The following FBXL7 variants were observed in gnomAD, a reference collection of about 807,000 sequenced individuals.
FBXL7 encodes F-box and leucine rich repeat protein 7, also known as F-box/LRR-repeat protein 7.
FBXL7 carries 12 observed loss-of-function variants against 38.3 expected under a neutral mutation model. That is an observed-to-expected ratio of 0.31 (90% CI 0.20 to 0.51). The LOEUF is 0.51. Among genes scored for constraint, FBXL7 ranks in the 20% least tolerant of loss-of-function variants. The probability of loss-of-function intolerance (pLI) is 0.98; values close to 1 mark genes in which losing one functional copy is unlikely to be tolerated. For synonymous variants in FBXL7, 297 were observed against 300.9 expected (o/e 0.99, Z 0.13); for missense variants, 567 against 676.4 (o/e 0.84, Z 1.79).
chr5:15,630,075 C>G (rs1279532276), intron 2 of FBXL7, among the ~76,000 whole-genome samples: 2 of 152,074 alleles, frequency 1.3e-5, no homozygotes, highest in Non-Finnish European at 2.9e-5. Flanking sequence ...GATACCATTT[C>G]TATTTTACAT....
At chr5:15,505,271 T>G (rs58605595) in intron 1 of FBXL7, among the ~76,000 whole-genome samples, 3,779 of 152,258 alleles carry the variant, frequency 0.025, 146 homozygotes, top group African/African-American at 0.086. Context: ...TAGTTACTTG[T>G]AGATTCCACA....
intron 2 of FBXL7, among the ~76,000 whole-genome samples, chr5:15,643,786 C>T (rs376715011): frequency 2.0e-5 from 3 of 152,266 alleles, no homozygotes; most frequent in East Asian, 3.9e-4. Flanking sequence ...TGGAAAAAAG[C>T]ATCTCTTGCT....
intron 2 of FBXL7, among the ~76,000 whole-genome samples, chr5:15,840,845 CAAAAAAAAAAA>C (rs34448584): frequency 4.8e-5 from 4 of 83,338 alleles, no homozygotes; most frequent in Non-Finnish European, 9.7e-5. Flanking sequence ...GACTCTGTCT[CAAAAAAAAAAA>C]AAAAAAAAAA....
chr5:15,670,610 G>A (rs1742434393), intron 2 of FBXL7, among the ~76,000 whole-genome samples: 2 of 152,112 alleles, frequency 1.3e-5, no homozygotes, highest in South Asian at 4.1e-4. Context: ...AGACCAGCCT[G>A]GCCAACATGG....
chr5:15,554,257 C>T (rs1463868468), intron 1 of FBXL7, among the ~76,000 whole-genome samples: 1 of 152,084 alleles, frequency 6.6e-6, no homozygotes, highest in Non-Finnish European at 1.5e-5. Flanking sequence ...TCTTAGGTGG[C>T]AGAGCTGGAA....
intron 2 of FBXL7, among the ~76,000 whole-genome samples, chr5:15,660,273 T>C (rs1426605315): frequency 6.6e-6 from 1 of 152,256 alleles, no homozygotes; most frequent in Non-Finnish European, 1.5e-5. Context: ...TGGATACTTA[T>C]CATTAACAAT....
At chr5:15,801,254 A>G (rs1737556363) in intron 2 of FBXL7, among the ~76,000 whole-genome samples, 1 of 152,226 alleles carries the variant, frequency 6.6e-6, no homozygotes, top group Non-Finnish European at 1.5e-5. Context: ...AAGCTGACAC[A>G]TAAGACTAAT....
chr5:15,776,288 C>T (rs1736856847), intron 2 of FBXL7, among the ~76,000 whole-genome samples: 1 of 152,016 alleles, frequency 6.6e-6, no homozygotes, highest in Non-Finnish European at 1.5e-5. Flanking sequence ...AACCTATTTG[C>T]TGTTACCCTC....
chr5:15,784,938 A>G (rs573972786), intron 2 of FBXL7, among the ~76,000 whole-genome samples: 3 of 152,190 alleles, frequency 2.0e-5, no homozygotes, highest in Non-Finnish European at 4.4e-5. Context: ...ACGTGTGTGT[A>G]TGTGTTCATA....
At chr5:15,828,007 T>C (rs1385358049) in intron 2 of FBXL7, among the ~76,000 whole-genome samples, 1 of 152,224 alleles carries the variant, frequency 6.6e-6, no homozygotes, top group Non-Finnish European at 1.5e-5. Context: ...GTGGAAAACC[T>C]TGGCCCTGCC....
chr5:15,532,381 G>A (rs1484973416), intron 1 of FBXL7, among the ~76,000 whole-genome samples: 2 of 152,230 alleles, frequency 1.3e-5, no homozygotes, highest in Non-Finnish European at 2.9e-5. Flanking sequence ...AAGAAGCTGT[G>A]ACTGAAAGCT....
intron 1 of FBXL7, among the ~76,000 whole-genome samples, chr5:15,614,678 T>TTAGC (rs1335873519): frequency 1.3e-5 from 2 of 152,220 alleles, no homozygotes; most frequent in African/African-American, 4.8e-5. Flanking sequence ...TGAACATGCA[T>TTAGC]TAGCTGGATC....
chr5:15,745,447 T>C (rs1435154198), intron 2 of FBXL7, among the ~76,000 whole-genome samples: 1 of 152,190 alleles, frequency 6.6e-6, no homozygotes, highest in East Asian at 1.9e-4. Context: ...CTTTATATTT[T>C]AGGGAGAGGA....
chr5:15,699,944 G>A (rs1299279829), intron 2 of FBXL7, among the ~76,000 whole-genome samples: 1 of 152,200 alleles, frequency 6.6e-6, no homozygotes, highest in African/African-American at 2.4e-5. Context: ...TCTTCACAAT[G>A]CACTTTGACC....
chr5:15,809,967 G>A (rs1737814416), intron 2 of FBXL7, among the ~76,000 whole-genome samples: 1 of 152,116 alleles, frequency 6.6e-6, no homozygotes. Flanking sequence ...TGTGAATCTG[G>A]ATTCCTAGAA....
intron 2 of FBXL7, among the ~76,000 whole-genome samples, chr5:15,691,732 A>T (rs989814547): frequency 6.6e-6 from 1 of 152,148 alleles, no homozygotes; most frequent in Non-Finnish European, 1.5e-5. Flanking sequence ...TCACTGACAG[A>T]TGTTGGCCTG....
At chr5:15,601,669 G>A (rs1446115195) in intron 1 of FBXL7, among the ~76,000 whole-genome samples, 2 of 152,106 alleles carry the variant, frequency 1.3e-5, no homozygotes, top group African/African-American at 4.8e-5. Context: ...AGCATTCCAC[G>A]ATACATTCAA....
chr5:15,699,646 G>T (rs1277978204), intron 2 of FBXL7, among the ~76,000 whole-genome samples: 1 of 152,180 alleles, frequency 6.6e-6, no homozygotes, highest in African/African-American at 2.4e-5. Context: ...AACAGGTTAG[G>T]AGTTCCCAAA....
chr5:15,841,041 T>G (rs1423630077), intron 2 of FBXL7, among the ~76,000 whole-genome samples: 1 of 152,140 alleles, frequency 6.6e-6, no homozygotes. Context: ...TATAGAACTT[T>G]CCCATTAGTT....
Sources: allele counts gnomAD v4.1 joint callset (sites outside exome capture counted in the v4.1 genomes callset), GRCh38; gene constraint gnomAD v4.1.1; transcripts MANE v1.5; gene names NCBI Gene and HGNC (gene_info 2026-07-23, HGNC 2026-07-21).